Variants in PIEZO1 observed in about 807,000 individuals in gnomAD.
PIEZO1 encodes the protein piezo-type mechanosensitive ion channel component 1.
In PIEZO1, 296 loss-of-function variants were observed where a neutral mutation model predicts 297.2. The ratio of observed to expected loss-of-function variants is 1.00; its 90% CI spans 0.91 to 1.10. The LOEUF is 1.10. Among genes scored for constraint, PIEZO1 ranks in the 50% least tolerant of loss-of-function variants. The pLI, the probability that PIEZO1 is intolerant of heterozygous loss-of-function variation, is 0.00. For synonymous variants in PIEZO1, 2,427 were observed against 1,507.5 expected, an observed-to-expected ratio of 1.61 and a Z score of -14.13; for missense variants, 5,018 against 3,455.5, an observed-to-expected ratio of 1.45 and a Z score of -11.34.
At chr16:88,733,503 C>G (rs545035822) in intron 18 of PIEZO1, 49 bp from the exon 19 acceptor site, 3 of 1,531,184 alleles carry the variant, frequency 2.0e-6, no homozygotes, top group Non-Finnish European at 2.6e-6. Flanking sequence ...GCAGTGGGCA[C>G]GTGGGGCTGG....
chr16:88,774,550 T>C (rs1907571301), intron 1 of PIEZO1, among the ~76,000 whole-genome samples: 2 of 152,108 alleles, frequency 1.3e-5, no homozygotes, highest in Admixed American at 1.3e-4. Context: ...GGCACCTCTG[T>C]ATACCACGTG....
Position 88,784,947 on chromosome 16 carries a change from G to A in PIEZO1, c.18C>T (p.Leu6=), listed in dbSNP as rs1162950951. 3.6e-6 allele frequency: 5 copies of A among 1,384,706 alleles called. No homozygotes were observed. Among genetic ancestry groups the A allele is most frequent in the Non-Finnish European group, 4.7e-6 (5 of 1,060,914 alleles). 85.8% of individuals were successfully genotyped at this position (1,384,706 alleles called of 1,614,324 possible). The part of the protein sequence containing the change: MEPHV[L]GAVLYWLLLP... The stretch of plus-strand genomic sequence containing the variant: ...GCAGCAGCCAGTACAGGACCGCGCC[G>A]AGCACGTGCGGCTCCATGGCTGGAG... Residue 6 remains leucine (L), a synonymous_variant, in exon 1 of 51, where the codon CTC becomes CTT. Coordinates refer to ENST00000301015, the MANE Select transcript of PIEZO1 (RefSeq NM_001142864.4).
rs545787191 is a variant in PIEZO1 at position 88,717,396 on chromosome 16, T to C, written c.6472-185A>G. The C allele has an allele frequency of 3.7e-4, 240 of 651,154 alleles. 1 individual carries two copies. Among genetic ancestry groups the C allele is most frequent in the Non-Finnish European group, 6.2e-4 (222 of 360,848 alleles). The allele number at this position is 651,154 out of a possible 1,614,324, so 40.3% of individuals were successfully genotyped here. The stretch of plus-strand genomic sequence containing the variant: ...ACTAAGAGTCCAGTTGGAACCCTCA[T>C]GTTCAGGGGTCGTTGATCTTAGACA... On this transcript the variant is annotated intron_variant, in intron 44 of 50. Transcript: ENST00000301015.
At chr16:88,780,558 T>A (rs2142913296) in intron 1 of PIEZO1, among the ~76,000 whole-genome samples, 1 of 152,324 alleles carries the variant, frequency 6.6e-6, no homozygotes, top group Non-Finnish European at 1.5e-5. Flanking sequence ...GTGTGTGGGA[T>A]ACTGTGCTGG....
In PIEZO1 at chr16:88,725,570, G is replaced by A. The variant is rs1241381183; in HGVS notation, c.4058+25C>T. On this transcript the variant is annotated intron_variant, in intron 28 of 50. Transcript: ENST00000301015. ...CTGAGCATTGGGGGGAGGAGCCGGG[G>A]AGTCCCCGCCCCAGAGGCACCTACT... 4.6e-6 allele frequency: 7 copies of A among 1,530,554 alleles called. No individual in the cohort carries two copies. In the East Asian group the frequency reaches 9.8e-5, roughly 21 times the overall value. 94.8% of individuals were successfully genotyped at this position (1,530,554 alleles called of 1,614,324 possible).
chr16:88,750,062 T>C (rs1394468992), intron 1 of PIEZO1, among the ~76,000 whole-genome samples: 2 of 149,580 alleles, frequency 1.3e-5, no homozygotes, highest in East Asian at 4.0e-4. Context: ...TGGCTGGGTG[T>C]GGTGGCTCAC....
Position 88,724,819 on chromosome 16 carries a change from GGA to G in PIEZO1, c.4234+188_4234+189del, listed in dbSNP as rs140072305. On this transcript the variant is annotated intron_variant, in intron 30 of 50. Transcript: ENST00000301015. Reference sequence around the variant, plus strand: ...TGTTGGAAGGGCTGGGGCATAGCCAGGAGAGGACATAGTCAGCCCAGGGGTCT... The same window carrying G: ...TGTTGGAAGGGCTGGGGCATAGCCAGGAGGACATAGTCAGCCCAGGGGTCT... 0.015 allele frequency among the ~76,000 whole-genome samples: 2,256 copies of G among 152,320 alleles called. 53 individuals are homozygous for G. Among genetic ancestry groups the G allele is most frequent in the African/African-American group, 0.051 (2,133 of 41,550 alleles).
rs867324252 is a variant in PIEZO1, at chr16:88,715,794, G to T, written c.7377C>A (p.Phe2459Leu). 5.2e-6 allele frequency: 8 copies of T among 1,550,238 alleles called. No individual in the cohort carries two copies. The African/African-American group carries it at 5.5e-5, about 11-fold the overall frequency. ...LVIGKFVRGF[F>L]SEISHSIMFE... ...ACATAATGGAGTGCGAGATCTCGCT[G>T]AAGAATCCGCGCACGAACTTGCCGA... The change falls in exon 51 of 51, where the codon TTC (phenylalanine) becomes TTA (leucine). Residue 2459 changes from phenylalanine to leucine, a missense_variant. Physicochemically the swap from Phe to Leu is conservative, Grantham distance 22. Coordinates refer to ENST00000301015, the MANE Select transcript of PIEZO1 (RefSeq NM_001142864.4).
intron 15 of PIEZO1, 36 bp downstream of exon 15, chr16:88,734,614 C>G (rs749533056): frequency 6.5e-7 from 1 of 1,549,178 alleles, no homozygotes; most frequent in African/African-American, 1.4e-5. Context: ...CACGGGGTTT[C>G]GGCGCCCCTG....
At chr16:88,749,204 C>T (rs925495439) in intron 2 of PIEZO1, among the ~76,000 whole-genome samples, 180 bp downstream of exon 2, 3 of 151,758 alleles carry the variant, frequency 2.0e-5, no homozygotes, top group Admixed American at 2.0e-4. Flanking sequence ...CGCGCCACTG[C>T]ACTCCAGCCT....
chr16:88,767,065 C>T (rs78334984), intron 1 of PIEZO1, among the ~76,000 whole-genome samples: 139 of 152,380 alleles, frequency 9.1e-4, no homozygotes, highest in African/African-American at 3.2e-3. Context: ...CTACCAAGCA[C>T]AGCTTTCCCA....
intron 17 of PIEZO1, 80 bp downstream of exon 17, chr16:88,733,826 G>C (rs756420852): frequency 4.1e-6 from 6 of 1,466,988 alleles, no homozygotes; most frequent in African/African-American, 1.4e-5. Context: ...GGAGCCCAGA[G>C]GGGACTCTGC....
chr16:88,770,173 G>C (rs763631076), intron 1 of PIEZO1, among the ~76,000 whole-genome samples: 1 of 151,854 alleles, frequency 6.6e-6, no homozygotes, highest in Non-Finnish European at 1.5e-5. Flanking sequence ...CCCAAGCCTC[G>C]GTCTGTCGGG....
intron 1 of PIEZO1, among the ~76,000 whole-genome samples, chr16:88,770,734 G>A (rs1212218464): frequency 6.6e-6 from 1 of 152,226 alleles, no homozygotes; most frequent in African/African-American, 2.4e-5. Context: ...GTCACCCTGA[G>A]CACGCCCCAC....
At chr16:88,775,013 C>A (rs1456878035) in intron 1 of PIEZO1, among the ~76,000 whole-genome samples, 1 of 152,228 alleles carries the variant, frequency 6.6e-6, no homozygotes, top group Non-Finnish European at 1.5e-5. Context: ...GACCCAAAGG[C>A]ACCCACTCCA....
intron 3 of PIEZO1, 55 bp downstream of exon 3, chr16:88,742,245 C>T (rs1905728210): frequency 6.6e-7 from 1 of 1,512,932 alleles, no homozygotes; most frequent in Non-Finnish European, 8.8e-7. Flanking sequence ...CACTGCAGGG[C>T]CCTCTCCCTG....
At chr16:88,731,935 T>A in intron 21 of PIEZO1, 25 bp from the exon 22 acceptor site, 1 of 1,388,480 alleles carries the variant, frequency 7.2e-7, no homozygotes, top group South Asian at 1.2e-5. Flanking sequence ...GGGCGGGGTG[T>A]GGGGATGCAC....
chr16:88,743,198 C>G, intron 2 of PIEZO1: 1 of 456,186 alleles, frequency 2.2e-6, no homozygotes, highest in Non-Finnish European at 4.4e-6. Flanking sequence ...AGGGGCTGGG[C>G]GGGCGCACCC....
At chr16:88,748,969 G>C (rs1906218742) in intron 2 of PIEZO1, among the ~76,000 whole-genome samples, 1 of 146,636 alleles carries the variant, frequency 6.8e-6, no homozygotes, top group South Asian at 2.1e-4. Flanking sequence ...CGGGCGCGGT[G>C]GCTCACGTCT....
Sources: gnomAD v4.1 joint callset for allele counts (sites outside exome capture counted in the v4.1 genomes callset) on GRCh38, gnomAD v4.1.1 for gene constraint, MANE v1.5 for transcripts, NCBI Gene and HGNC (gene_info 2026-07-23, HGNC 2026-07-21) for gene names.